Variants in MYCBP2 observed in about 807,000 individuals in gnomAD.
MYCBP2 encodes MYC binding protein 2.
Under a neutral mutation model 525.3 loss-of-function variants are expected in MYCBP2, and 120 were observed. That is an observed-to-expected ratio of 0.23 (90% confidence interval 0.20 to 0.27). The LOEUF is 0.27. Among genes scored for constraint, MYCBP2 ranks in the 10% least tolerant of loss-of-function variants. The pLI, the probability that MYCBP2 is intolerant of heterozygous loss-of-function variation, is 1.00. For missense variants in MYCBP2, 4,149 were observed against 5,657.1 expected, an observed-to-expected ratio of 0.73 and a Z score of 8.55; for synonymous variants, 1,894 against 1,955.8, an observed-to-expected ratio of 0.97 and a Z score of 0.83.
intron 23 of MYCBP2, among the ~76,000 whole-genome samples, chr13:77,209,487 G>T (rs867635150): frequency 6.6e-6 from 1 of 152,158 alleles, no homozygotes; most frequent in African/African-American, 2.4e-5. Flanking sequence ...CTGCTCTTTG[G>T]TAACTAAGTC....
intron 14 of MYCBP2, among the ~76,000 whole-genome samples, chr13:77,255,761 A>C (rs2154333724): frequency 6.6e-6 from 1 of 152,062 alleles, no homozygotes; most frequent in East Asian, 1.9e-4. Context: ...GCAAAGACAA[A>C]GAATGGTGGG....
Position 77,257,825 on chromosome 13 carries a change from C to A in MYCBP2, c.2022G>T (p.Leu674Phe). Residue 674 changes from leucine (L) to phenylalanine (F), a missense_variant, in exon 14 of 83, where the codon TTG becomes TTT. Coordinates refer to ENST00000544440, the MANE Select transcript of MYCBP2 (RefSeq NM_015057.5). The part of the protein sequence containing the change: ...KDAIYSDSSS[L>F]VTDLKGHFVT... ...CAAAATGGCCCTTCAAATCAGTTAC[C>A]AAACCTATAGGAAAGAAACAAATTT... 1.2e-6 allele frequency: 2 copies of A among 1,604,104 alleles called. No homozygotes were observed. The highest frequency in any genetic ancestry group is 1.7e-6 in the Non-Finnish European group (2 of 1,177,270).
intron 68 of MYCBP2, chr13:77,075,775 C>G (rs2042185100): frequency 6.6e-6 from 1 of 152,136 alleles, no homozygotes; most frequent in Admixed American, 6.5e-5. Flanking sequence ...GAGTTGACAT[C>G]TGCTAAAATT....
In MYCBP2 at chr13:77,051,782, T is replaced by C. The variant is rs780596783; in HGVS notation, c.13755+29A>G. ...ATAATACTATTTAACATTTCTAAACTGTTGTTTCTAATAAAATGTTCTGCC... is the reference window on the plus strand; with the variant it reads ...ATAATACTATTTAACATTTCTAAACCGTTGTTTCTAATAAAATGTTCTGCC... On this transcript the variant is annotated intron_variant, in intron 81 of 82. Transcript: ENST00000544440. 3.9e-6 allele frequency: 6 copies of C among 1,527,114 alleles called. No homozygotes were observed. In the South Asian group the frequency reaches 6.8e-5, roughly 17 times the overall value. The allele number at this position is 1,527,114 out of a possible 1,614,324, so 94.6% of individuals were successfully genotyped here. A position where few individuals can be genotyped will look rare whatever the true frequency, so the allele number is the denominator to read the frequency against.
intron 18 of MYCBP2, among the ~76,000 whole-genome samples, chr13:77,226,589 G>A (rs1200072784): frequency 6.6e-6 from 1 of 152,152 alleles, no homozygotes; most frequent in East Asian, 1.9e-4. Context: ...AGATACATAT[G>A]TGAATCTACA....
At chr13:77,095,311 G>A (rs368399415) in intron 58 of MYCBP2, 47 bp downstream of exon 58, 16 of 1,601,106 alleles carry the variant, frequency 1.0e-5, no homozygotes, top group South Asian at 2.2e-5. Context: ...ATAAACAATC[G>A]CTGTTAATCC....
chr13:77,056,911 CAT>C, intron 79 of MYCBP2, 73 bp downstream of exon 79: 1 of 1,138,946 alleles, frequency 8.8e-7, no homozygotes, highest in Non-Finnish European at 1.3e-6. Context: ...GAGATACTGA[CAT>C]ATGTTTATTT....
intron 55 of MYCBP2, among the ~76,000 whole-genome samples, chr13:77,109,132 C>A (rs1385113125): frequency 6.6e-6 from 1 of 152,160 alleles, no homozygotes; most frequent in Non-Finnish European, 1.5e-5. Flanking sequence ...TCTTATGTGG[C>A]AGGTAGAGGA....
At chr13:77,066,396 C>CG in intron 71 of MYCBP2, among the ~76,000 whole-genome samples, 1 of 152,140 alleles carries the variant, frequency 6.6e-6, no homozygotes, top group Non-Finnish European at 1.5e-5. Context: ...GGAGCTTAAC[C>CG]GGAATATAAA....
At chr13:77,244,790 A>G (rs1454731650) in intron 15 of MYCBP2, among the ~76,000 whole-genome samples, 1 of 152,236 alleles carries the variant, frequency 6.6e-6, no homozygotes, top group Non-Finnish European at 1.5e-5. Context: ...AATATCCAGA[A>G]TCTACAAAGA....
Position 77,205,511 on chromosome 13 carries a change from T to G in MYCBP2, c.3677A>C (p.Tyr1226Ser). The change falls in exon 25 of 83, where the codon TAT (tyrosine) becomes TCT (serine). Residue 1226 changes from tyrosine (Y) to serine (S), a missense_variant. This residue lies in a region of MYCBP2 where 620 missense variants were observed against 795.5 expected (regional missense o/e 0.78). Transcript: ENST00000544440. ...TACCACACTATAATCTTCTTTAGAA[T>G]AAACCTTCATTACTGCTTGAGTCTC... ...EEETQAVMKV[Y>S]SKEDYSVVNR... is the part of the protein sequence containing the mutation. The G allele has an allele frequency of 1.2e-6, 2 of 1,613,738 alleles. No homozygotes were observed. Among genetic ancestry groups the G allele is most frequent in the Non-Finnish European group, 1.7e-6 (2 of 1,179,838 alleles).
At chr13:77,092,107 T>A (rs945037982) in intron 59 of MYCBP2, among the ~76,000 whole-genome samples, 1 of 150,602 alleles carries the variant, frequency 6.6e-6, no homozygotes, top group African/African-American at 2.4e-5. Context: ...CTCATTTGGA[T>A]ATATATGTCC....
chr13:77,140,160 G>A lies in MYCBP2; in HGVS notation c.7405C>T (p.Arg2469Ter). The change falls in exon 51 of 83, where the codon CGA (arginine) becomes TGA (stop). Residue 2469 changes from arginine (R) to a stop codon, truncating the protein, a stop_gained. Coordinates refer to ENST00000544440, the MANE Select transcript of MYCBP2 (RefSeq NM_015057.5). LOFTEE classifies it high-confidence loss of function. ...PKSEPQPNKV[R>*]KFVAKDSAGL... ...GCACTGTCCTTGGCCACAAATTTTCGAACCTGAGAAAGGCAAAGATAAACA... is the reference window on the plus strand; with the variant it reads ...GCACTGTCCTTGGCCACAAATTTTCAAACCTGAGAAAGGCAAAGATAAACA... 6.3e-7 allele frequency: 1 copy of A among 1,593,270 alleles called. No individual in the cohort carries two copies. Among genetic ancestry groups the A allele is most frequent in the Non-Finnish European group, 8.5e-7 (1 of 1,173,018 alleles).
In MYCBP2 at chr13:77,241,045, C is replaced by G. The variant is rs540613184; in HGVS notation, c.2629+2014G>C. ...CAAAATATACACTAAGTGCCTAGAA[C>G]CTCAATCTATCTTTGGAAAGTCAGA... is the stretch of plus-strand genomic sequence containing the variant. On this transcript the variant is annotated intron_variant, in intron 17 of 82. Coordinates refer to ENST00000544440, the MANE Select transcript of MYCBP2 (RefSeq NM_015057.5). 6.6e-4 allele frequency among the ~76,000 whole-genome samples: 101 copies of G among 152,214 alleles called. No individual in the cohort carries two copies. In the South Asian group the frequency reaches 0.012, roughly 18 times the overall value.
intron 13 of MYCBP2, among the ~76,000 whole-genome samples, chr13:77,258,563 G>C (rs1379716537): frequency 6.6e-6 from 1 of 152,004 alleles, no homozygotes; most frequent in Non-Finnish European, 1.5e-5. Context: ...ATTATGCTTT[G>C]GGAAAACTGT....
At chr13:77,078,686 G>T in intron 66 of MYCBP2, 138 bp downstream of exon 66, 1 of 677,864 alleles carries the variant, frequency 1.5e-6, no homozygotes, top group Non-Finnish European at 2.6e-6. Context: ...TGGACCACTT[G>T]TCAATTTAGT....
rs1288686699 is a variant in MYCBP2, at chr13:77,185,126, C to A, written c.4696G>T (p.Asp1566Tyr). ...TPALQWACLC[D>Y]LLNCLDQDIQ... ...ACCTGATCCAAACAATTCAGCAGAT[C>A]ACAAAGGCAAGCCCACTGTAAGGCA... Residue 1566 changes from aspartate to tyrosine, a missense_variant, in exon 32 of 83, where the codon GAT (aspartate) becomes TAT (tyrosine). Coordinates refer to ENST00000544440, the MANE Select transcript of MYCBP2 (RefSeq NM_015057.5). 1.9e-6 allele frequency: 3 copies of A among 1,613,886 alleles called. No individual in the cohort carries two copies. The highest frequency in any genetic ancestry group is 2.5e-6 in the Non-Finnish European group (3 of 1,179,954).
chr13:77,110,850 G>T (rs2048700285), intron 55 of MYCBP2, among the ~76,000 whole-genome samples: 1 of 152,054 alleles, frequency 6.6e-6, no homozygotes, highest in Admixed American at 6.6e-5. Context: ...TATGACTTTG[G>T]GCAAGTCAGC....
chr13:77,057,056 C>T lies in MYCBP2; in HGVS notation c.13367G>A (p.Arg4456Gln), dbSNP rs753292229. 1.7e-5 allele frequency: 27 copies of T among 1,613,560 alleles called. No individual in the cohort carries two copies. In the Admixed American group the frequency reaches 2.0e-4, roughly 12 times the overall value. ...AAGCCATCGATTTTCTAATACTCGC[C>T]GACAGCACTGTAAGTGGAATATGTG... ...CSHIFHLQCC[R>Q]RVLENRWLGP... The change falls in exon 79 of 83, where the codon CGG (arginine) becomes CAG (glutamine). Residue 4456 changes from arginine (R) to glutamine (Q), a missense_variant. This residue lies in a region of MYCBP2 where 220 missense variants were observed against 396.0 expected (regional missense o/e 0.56). Coordinates refer to ENST00000544440, the MANE Select transcript of MYCBP2 (RefSeq NM_015057.5).
Sources: allele counts gnomAD v4.1 joint callset (sites outside exome capture counted in the v4.1 genomes callset), GRCh38; gene constraint gnomAD v4.1.1; regional missense constraint gnomAD v4.1.1; transcripts MANE v1.5; gene names NCBI Gene and HGNC (gene_info 2026-07-23, HGNC 2026-07-21).